Variants in CASP4 observed in about 807,000 individuals in gnomAD.
CASP4 encodes caspase-4.
CASP4 carries 29 observed loss-of-function variants against 41.3 expected under a neutral mutation model. The observed-to-expected ratio is 0.70, with a 90% CI of 0.52 to 0.96. CASP4 has a LOEUF of 0.96. Ranked by LOEUF, CASP4 falls within the 40% of genes least tolerant of loss-of-function variation. The pLI, the probability that CASP4 is intolerant of heterozygous loss-of-function variation, is 0.00. For synonymous variants in CASP4, 185 were observed against 158.4 expected (o/e 1.17, Z -1.26); for missense variants, 447 against 460.6 (o/e 0.97, Z 0.27).
At chr11:104,950,538 C>G (rs533861725) in intron 4 of CASP4, among the ~76,000 whole-genome samples, 11 of 152,072 alleles carry the variant, frequency 7.2e-5, no homozygotes, top group African/African-American at 2.2e-4. Context: ...CATTTACAGA[C>G]CTATTCCCAA....
At chr11:104,964,435 G>T (rs986014916) in intron 1 of CASP4, among the ~76,000 whole-genome samples, 11 of 152,116 alleles carry the variant, frequency 7.2e-5, no homozygotes, top group African/African-American at 2.2e-4. Context: ...AAGCATATTT[G>T]TTTCTCTCTA....
intron 1 of CASP4, among the ~76,000 whole-genome samples, chr11:104,967,691 C>T (rs1346602848): frequency 6.6e-6 from 1 of 152,026 alleles, no homozygotes; most frequent in African/African-American, 2.4e-5. Flanking sequence ...GAGCTATTCG[C>T]GGTGAGGAAG....
At position 104,954,961 on chromosome 11, in the gene CASP4, G is replaced by C. The variant is rs371962072; in HGVS notation, c.48C>G (p.Ser16=). 1 of 1,613,246 alleles carries C rather than the reference G, an allele frequency of 6.2e-7. No individual in the cohort carries two copies. Among genetic ancestry groups the C allele is most frequent in the Non-Finnish European group, 8.5e-7 (1 of 1,179,646 alleles). The change falls in exon 2 of 9, where the codon TCC becomes TCG. Residue 16 remains serine, a synonymous_variant. Transcript: ENST00000444739. ...HRKKPLKVLE[S]LGKDFLTGVL... The stretch of plus-strand genomic sequence containing the variant: ...CACCAGTGAGGAAATCTTTGCCCAG[G>C]GATTCCAACACCTTAAGTGGCTTTT...
At chr11:104,944,368 C>CTCTCTCTCTCTGTG (rs1491122445) in intron 8 of CASP4, 1 of 141,238 alleles carries the variant, frequency 7.1e-6, no homozygotes, top group Admixed American at 7.1e-5. Flanking sequence ...CTCTCTCTCT[C>CTCTCTCTCTCTGTG]TGTGTGTGTG....
At chr11:104,961,125 A>G (rs1211744544) in intron 1 of CASP4, among the ~76,000 whole-genome samples, 2 of 152,244 alleles carry the variant, frequency 1.3e-5, no homozygotes, top group Admixed American at 1.3e-4. Context: ...TGGATCCAGA[A>G]GGTAGCCCAA....
intron 5 of CASP4, 116 bp downstream of exon 5, chr11:104,949,427 A>G (rs759781799): frequency 3.1e-4 from 342 of 1,086,644 alleles, no homozygotes; most frequent in Non-Finnish European, 4.3e-4. Flanking sequence ...TTAGAATTCA[A>G]TGTACTTTAT....
intron 1 of CASP4, among the ~76,000 whole-genome samples, chr11:104,955,540 AG>A (rs1860718528): frequency 6.7e-6 from 1 of 148,772 alleles, no homozygotes; most frequent in South Asian, 2.2e-4. Context: ...AATGTTTAAA[AG>A]TACTTAATAT....
intron 1 of CASP4, 82 bp downstream of exon 1, chr11:104,968,437 C>A: frequency 1.5e-6 from 2 of 1,308,352 alleles, no homozygotes; most frequent in East Asian, 4.6e-5. Flanking sequence ...GGCTCACTTC[C>A]TTTCTTGTGT....
At chr11:104,954,026 T>A (rs557204467) in intron 2 of CASP4, among the ~76,000 whole-genome samples, 1 of 152,296 alleles carries the variant, frequency 6.6e-6, no homozygotes, top group South Asian at 2.1e-4. Flanking sequence ...TATTTAGGCA[T>A]CTGCTATGTG....
intron 1 of CASP4, among the ~76,000 whole-genome samples, chr11:104,962,042 T>G (rs866749941): frequency 3.9e-5 from 6 of 152,206 alleles, no homozygotes; most frequent in Non-Finnish European, 7.3e-5. Flanking sequence ...ACGAGGTGAC[T>G]AGTGTCTGTT....
chr11:104,961,739 G>C (rs1202507342), intron 1 of CASP4, among the ~76,000 whole-genome samples: 3 of 152,166 alleles, frequency 2.0e-5, no homozygotes, highest in African/African-American at 7.2e-5. Context: ...AAGGCCTTCT[G>C]TCTGTCTCAT....
At chr11:104,961,872 A>G (rs952515324) in intron 1 of CASP4, among the ~76,000 whole-genome samples, 1 of 152,170 alleles carries the variant, frequency 6.6e-6, no homozygotes, top group Non-Finnish European at 1.5e-5. Context: ...AGAAAGTTCA[A>G]TAGGCCTGTC....
Position 104,947,138 on chromosome 11 carries a change from ATGAGT to A in CASP4, c.975_979del (p.Gln325HisfsTer25), listed in dbSNP as rs1157465570. 7 of 1,613,258 alleles carry A rather than the reference ATGAGT, an allele frequency of 4.3e-6. No homozygotes were observed. The highest frequency in any genetic ancestry group is 5.9e-6 in the Non-Finnish European group (7 of 1,179,392). ...CCAAGAATATTTCTGGAAGCATGTG[ATGAGT>A]TGTGTGATGAAGATAGAGCCCATTG... On this transcript the variant is annotated frameshift_variant, in exon 7 of 9. Transcript: ENST00000444739. LOFTEE classifies it high-confidence loss of function.
chr11:104,944,154 G>A (rs1860392082), intron 8 of CASP4: 1 of 152,270 alleles, frequency 6.6e-6, no homozygotes, highest in South Asian at 2.1e-4. Context: ...GAGAACCAGA[G>A]CCTGGATCAA....
Position 104,954,901 on chromosome 11 carries a change from G to C in CASP4, c.108C>G (p.Asn36Lys). The change falls in exon 2 of 9, where the codon AAC becomes AAG. Residue 36 changes from asparagine to lysine, a missense_variant. Asn to Lys is a moderately conservative substitution (Grantham distance 94). Coordinates refer to ENST00000444739, the MANE Select transcript of CASP4 (RefSeq NM_001225.4). ...ATTTCTTTTTTTCCTCTTCCTTCCA[G>C]TTCAGTACATTTTGTTCCACCAAGT... is the stretch of plus-strand genomic sequence containing the variant. The part of the protein sequence containing the change: ...LDNLVEQNVL[N>K]WKEEEKKKYY... 1 of 1,613,596 alleles carries C rather than the reference G, an allele frequency of 6.2e-7. No homozygotes were observed.
At chr11:104,959,116 G>A (rs1352917833) in intron 1 of CASP4, among the ~76,000 whole-genome samples, 5 of 151,974 alleles carry the variant, frequency 3.3e-5, no homozygotes, top group Non-Finnish European at 2.9e-5. Flanking sequence ...TCAGTGTCTC[G>A]AGGAGATATC....
intron 4 of CASP4, among the ~76,000 whole-genome samples, chr11:104,950,026 A>G (rs11226566): frequency 0.034 from 5,228 of 152,064 alleles, 142 homozygotes; most frequent in Non-Finnish European, 0.053. Flanking sequence ...TGTGTTACTC[A>G]TGTTACTTTT....
intron 6 of CASP4, 24 bp from the exon 7 acceptor site, chr11:104,947,216 C>T: frequency 7.3e-7 from 1 of 1,372,518 alleles, no homozygotes; most frequent in Non-Finnish European, 1.0e-6. Context: ...GATGGGTATG[C>T]CTTGGGCTAT....
At position 104,944,796 on chromosome 11, in the gene CASP4, C is replaced by G; in HGVS notation, c.1091G>C (p.Arg364Pro). 6.2e-7 allele frequency: 1 copy of G among 1,613,574 alleles called. No homozygotes were observed. The highest frequency in any genetic ancestry group is 2.2e-5 in the East Asian group (1 of 44,862). Reference sequence around the variant, plus strand: ...GTAGAAATATCTTGTCATGGACAGTCGTTCTATGGTGGGCATTTGAGCTTT... The same window carrying G: ...GTAGAAATATCTTGTCATGGACAGTGGTTCTATGGTGGGCATTTGAGCTTT... ...RAKAQMPTIE[R>P]LSMTRYFYLF... Residue 364 changes from arginine to proline, a missense_variant, in exon 8 of 9, where the codon CGA becomes CCA. Physicochemically the swap from Arg to Pro is moderately radical, Grantham distance 103 (BLOSUM62 -2). Transcript: ENST00000444739.
Sources: allele counts gnomAD v4.1 joint callset (sites outside exome capture counted in the v4.1 genomes callset), GRCh38; gene constraint gnomAD v4.1.1; transcripts MANE v1.5; gene names NCBI Gene and HGNC (gene_info 2026-07-23, HGNC 2026-07-21).